Variants in ACSBG2 observed in about 807,000 individuals in gnomAD.
ACSBG2 encodes the protein long-chain-fatty-acid--CoA ligase ACSBG2.
In ACSBG2, 62 loss-of-function variants were observed where a neutral mutation model predicts 74.7. That is an observed-to-expected ratio of 0.83 (90% CI 0.68 to 1.03). ACSBG2 has a LOEUF of 1.03. Among genes scored for constraint, ACSBG2 ranks in the 50% least tolerant of loss-of-function variants. ACSBG2 has a pLI of 0.00. For synonymous variants in ACSBG2, 309 were observed against 294.1 expected (o/e 1.05, Z -0.52); for missense variants, 730 against 817.6 (o/e 0.89, Z 1.31).
rs1253223322 is a variant in ACSBG2, at chr19:6,167,976, CA to C, written c.738+1962del. ...CCGCCTCCCACCCAACTCCCACCCTCACCCCCACCCCCAGTCTATCCTCTCT... is the reference window on the plus strand; with the variant it reads ...CCGCCTCCCACCCAACTCCCACCCTCCCCCCACCCCCAGTCTATCCTCTCT... On this transcript the variant is annotated intron_variant, in intron 7 of 14. Transcript: ENST00000588485. 1.3e-4 allele frequency among the ~76,000 whole-genome samples: 18 copies of C among 143,116 alleles called. 1 individual carries two copies. Among genetic ancestry groups the C allele is most frequent in the African/African-American group, 4.5e-4 (16 of 35,888 alleles). The allele number at this position is 143,116 out of a possible 152,430, so 93.9% of individuals were successfully genotyped here. A position where few individuals can be genotyped will look rare whatever the true frequency, so the allele number is the denominator to read the frequency against.
intron 8 of ACSBG2, among the ~76,000 whole-genome samples, chr19:6,178,708 A>C (rs2090158372): frequency 6.6e-6 from 1 of 152,068 alleles, no homozygotes. Flanking sequence ...ATCCTTTTGC[A>C]CTTAGCTGGA....
At chr19:6,151,082 C>A (rs1057143460) in intron 3 of ACSBG2, among the ~76,000 whole-genome samples, 2 of 150,020 alleles carry the variant, frequency 1.3e-5, no homozygotes, top group African/African-American at 4.9e-5. Context: ...CTGCTGGACT[C>A]CAGCCTTGGC....
intron 5 of ACSBG2, among the ~76,000 whole-genome samples, 160 bp from the exon 6 acceptor site, chr19:6,161,055 G>A (rs2089591757): frequency 6.6e-6 from 1 of 150,794 alleles, no homozygotes; most frequent in Admixed American, 6.6e-5. Flanking sequence ...AGCCGAGATT[G>A]GGCCAATGCA....
intron 5 of ACSBG2, among the ~76,000 whole-genome samples, chr19:6,156,985 C>T (rs1247349844): frequency 2.6e-5 from 4 of 151,570 alleles, no homozygotes; most frequent in Admixed American, 2.0e-4. Flanking sequence ...CTCGCTCTGT[C>T]GCCCAAGCTG....
intron 11 of ACSBG2, among the ~76,000 whole-genome samples, chr19:6,185,957 T>G (rs1160899808): frequency 6.6e-6 from 1 of 152,088 alleles, no homozygotes; most frequent in Admixed American, 6.6e-5. Context: ...AAGAGAAGGA[T>G]AAAGAAATTC....
chr19:6,147,631 C>T lies in ACSBG2; in HGVS notation c.253C>T (p.Gln85Ter). Residue 85 changes from glutamine to a stop codon, truncating the protein, a stop_gained, in exon 3 of 15, where the codon CAG becomes TAG. Transcript: ENST00000588485. LOFTEE classifies it high-confidence loss of function. ...GKKWEILNFN[Q>*]YYEACRKAAK... Reference sequence around the variant, plus strand: ...AAAGTGGGAAATTCTGAATTTCAACCAGTACTATGAGGCTTGTCGGAAGGC... The same window carrying T: ...AAAGTGGGAAATTCTGAATTTCAACTAGTACTATGAGGCTTGTCGGAAGGC... 1 of 1,614,200 alleles carries T rather than the reference C, an allele frequency of 6.2e-7. No individual in the cohort carries two copies.
At chr19:6,155,789 CA>C (rs35539453) in intron 4 of ACSBG2, among the ~76,000 whole-genome samples, 4,012 of 123,542 alleles carry the variant, frequency 0.032, 260 homozygotes, top group African/African-American at 0.11. Context: ...GACCCTGTCT[CA>C]AAAAAAAAAA....
At chr19:6,152,056 A>G (rs996892308) in intron 4 of ACSBG2, among the ~76,000 whole-genome samples, 1 of 152,212 alleles carries the variant, frequency 6.6e-6, no homozygotes, top group African/African-American at 2.4e-5. Context: ...GATAGCATTT[A>G]GAGGTTTCTG....
At chr19:6,184,832 GAAAAAAAAA>G (rs371866289) in intron 10 of ACSBG2, among the ~76,000 whole-genome samples, 14 of 13,532 alleles carry the variant, frequency 1.0e-3, no homozygotes, top group African/African-American at 1.6e-3. Context: ...ATGTGGAGAT[GAAAAAAAAA>G]AAAAAAAAAA....
chr19:6,148,986 A>G (rs751993450), intron 3 of ACSBG2, among the ~76,000 whole-genome samples: 19 of 152,092 alleles, frequency 1.2e-4, no homozygotes, highest in Non-Finnish European at 2.2e-4. Flanking sequence ...GCACACCTGT[A>G]ATCCCAGCTA....
intron 3 of ACSBG2, 52 bp from the exon 4 acceptor site, chr19:6,151,655 A>G: frequency 1.3e-6 from 2 of 1,510,520 alleles, no homozygotes; most frequent in Non-Finnish European, 1.8e-6. Context: ...TCCTAATGAT[A>G]TAACATCTCT....
Position 6,187,615 on chromosome 19 carries a change from T to C in ACSBG2, c.1697T>C (p.Met566Thr). ...TGGGGGCAGTGTGAGATGAATCAGA[T>C]GAGCGGAGAACCTCTGGACAAGCTG... ...LLTLKCEMNQ[M>T]SGEPLDKLNF... Residue 566 changes from methionine (M) to threonine (T), a missense_variant, in exon 13 of 15, where the codon ATG (methionine) becomes ACG (threonine). Physicochemically the swap from Met to Thr is moderately conservative, Grantham distance 81. Coordinates refer to ENST00000588485, the MANE Select transcript of ACSBG2 (RefSeq NM_030924.5). The C allele has an allele frequency of 6.2e-7, 1 of 1,613,992 alleles. No individual in the cohort carries two copies. The highest frequency in any genetic ancestry group is 1.3e-5 in the African/African-American group (1 of 74,966).
intron 5 of ACSBG2, among the ~76,000 whole-genome samples, chr19:6,160,299 AGAAT>A (rs1416577553): frequency 1.3e-5 from 2 of 150,726 alleles, no homozygotes; most frequent in East Asian, 4.0e-4. Flanking sequence ...CTGAGGCAGG[AGAAT>A]GGCATGAACC....
chr19:6,187,567 G>C (rs755636193), intron 12 of ACSBG2, 32 bp from the exon 13 acceptor site: 6 of 1,613,340 alleles, frequency 3.7e-6, no homozygotes, highest in Non-Finnish European at 2.5e-6. Context: ...TGGTCAAGGA[G>C]CATGGGTGGT....
chr19:6,148,780 G>A (rs1157505866), intron 3 of ACSBG2, among the ~76,000 whole-genome samples: 1 of 152,022 alleles, frequency 6.6e-6, no homozygotes, highest in Non-Finnish European at 1.5e-5. Context: ...TTAGTTCCGT[G>A]GAGTTAAAGG....
At chr19:6,171,671 G>T (rs1267843364) in intron 7 of ACSBG2, among the ~76,000 whole-genome samples, 1 of 151,796 alleles carries the variant, frequency 6.6e-6, no homozygotes, top group African/African-American at 2.4e-5. Flanking sequence ...ATTGACCTTG[G>T]TCTGATGACT....
In ACSBG2 at chr19:6,176,218, C is replaced by G. The variant is rs1418709100; in HGVS notation, c.739-1011C>G. The G allele has an allele frequency of 9.0e-6, 10 of 1,115,220 alleles. No homozygotes were observed. In the South Asian group the frequency reaches 2.9e-4, roughly 32 times the overall value. 69.1% of individuals were successfully genotyped at this position (1,115,220 alleles called of 1,614,324 possible). On this transcript the variant is annotated intron_variant, in intron 7 of 14. Coordinates refer to ENST00000588485, the MANE Select transcript of ACSBG2 (RefSeq NM_030924.5). Reference sequence around the variant, plus strand: ...CTGTCGAATGATTAACAACCATCTACTCACCTGGGCTACCCAAGAGGCTGA... The same window carrying G: ...CTGTCGAATGATTAACAACCATCTAGTCACCTGGGCTACCCAAGAGGCTGA...
intron 4 of ACSBG2, among the ~76,000 whole-genome samples, chr19:6,154,438 T>A (rs62107242): frequency 0.62 from 82,018 of 131,294 alleles, 25,177 homozygotes; most frequent in Admixed American, 0.72. Context: ...GAGAGAAAAT[T>A]ATTATTATAT....
At chr19:6,170,478 T>C (rs1015040789) in intron 7 of ACSBG2, among the ~76,000 whole-genome samples, 4 of 152,336 alleles carry the variant, frequency 2.6e-5, no homozygotes. Context: ...ATTGTTTTTA[T>C]TGCTTCTTTA....
Sources: gnomAD v4.1 joint callset for allele counts (sites outside exome capture counted in the v4.1 genomes callset) on GRCh38, gnomAD v4.1.1 for gene constraint, MANE v1.5 for transcripts, NCBI Gene and HGNC (gene_info 2026-07-23, HGNC 2026-07-21) for gene names.